Variants in FAM53A observed in about 807,000 individuals in gnomAD.
FAM53A encodes the protein family with sequence similarity 53 member A.
In FAM53A, 28 loss-of-function variants were observed where a neutral mutation model predicts 26.6. That is an observed-to-expected ratio of 1.05 (90% CI 0.78 to 1.45). The LOEUF (loss-of-function observed/expected upper bound fraction) is 1.45. Ranked by LOEUF, FAM53A falls within the 40% of genes most tolerant of loss-of-function variation. FAM53A has a pLI of 0.00. For synonymous variants in FAM53A, 290 were observed against 253.1 expected (o/e 1.15, Z -1.38); for missense variants, 650 against 575.8 (o/e 1.13, Z -1.32).
the FAM53A span, among the ~76,000 whole-genome samples, chr4:1,596,641 T>C: frequency 0.47 from 70,962 of 151,716 alleles, 17,510 homozygotes; most frequent in Admixed American, 0.55. Context: ...GGACTGGCTC[T>C]TTCACTCACA....
chr4:1,598,315 C>T, the FAM53A span, among the ~76,000 whole-genome samples: 2 of 152,252 alleles, frequency 1.3e-5, no homozygotes, highest in Non-Finnish European at 2.9e-5. Flanking sequence ...GCGGGAAAAA[C>T]GTGGGGCCAA....
At chr4:1,665,574 C>T (rs1714163725) in intron 2 of FAM53A, among the ~76,000 whole-genome samples, 2 of 152,056 alleles carry the variant, frequency 1.3e-5, no homozygotes, top group Admixed American at 1.3e-4. Flanking sequence ...GCCATATTCA[C>T]AGGCCGTGTT....
intron 2 of FAM53A, 21 bp downstream of exon 2, chr4:1,668,646 G>A: frequency 1.2e-6 from 2 of 1,613,854 alleles, no homozygotes; most frequent in South Asian, 2.2e-5. Flanking sequence ...ACCCAGCCTG[G>A]TGCCACCTGC....
the FAM53A span, among the ~76,000 whole-genome samples, chr4:1,579,310 C>A: frequency 6.6e-6 from 1 of 151,524 alleles, no homozygotes; most frequent in Admixed American, 6.6e-5. Flanking sequence ...CTGGGCCCTG[C>A]CGCTGCGCCC....
At chr4:1,602,462 T>A in the FAM53A span, among the ~76,000 whole-genome samples, 1 of 152,146 alleles carries the variant, frequency 6.6e-6, no homozygotes, top group Non-Finnish European at 1.5e-5. Context: ...TGAAGAGTGA[T>A]GAAACTTTAA....
At chr4:1,663,645 A>G (rs1714015057) in intron 2 of FAM53A, among the ~76,000 whole-genome samples, 1 of 152,100 alleles carries the variant, frequency 6.6e-6, no homozygotes, top group South Asian at 2.1e-4. Context: ...TGTTTCTGGT[A>G]CAAGTGAGAA....
intron 4 of FAM53A, among the ~76,000 whole-genome samples, chr4:1,651,236 A>AG (rs1712754646): frequency 6.6e-6 from 1 of 150,504 alleles, no homozygotes; most frequent in African/African-American, 2.5e-5. Flanking sequence ...AAAAAAAAAA[A>AG]AAAATTAAGA....
intron 1 of FAM53A, chr4:1,618,250 C>A: frequency 2.3e-6 from 1 of 427,542 alleles, no homozygotes; most frequent in Admixed American, 2.5e-5. Context: ...TGCATCCAGG[C>A]TGTGGCCCCC....
chr4:1,579,539 G>C, the FAM53A span, among the ~76,000 whole-genome samples: 2 of 152,168 alleles, frequency 1.3e-5, no homozygotes, highest in East Asian at 1.9e-4. Context: ...GGCCAGGCTC[G>C]AGTCAGCCGG....
At chr4:1,680,527 T>G (rs563072241) in intron 1 of FAM53A, among the ~76,000 whole-genome samples, 1 of 152,216 alleles carries the variant, frequency 6.6e-6, no homozygotes, top group East Asian at 1.9e-4. Flanking sequence ...TGCACACAGA[T>G]GCCCATAGCA....
chr4:1,626,575 TG>T (rs201283867), intron 1 of FAM53A, among the ~76,000 whole-genome samples: 1,572 of 136,062 alleles, frequency 0.012, 9 homozygotes, highest in Middle Eastern at 0.027. Context: ...GGGGAGGACC[TG>T]GGACAGTGTA....
chr4:1,576,900 G>T, the FAM53A span, among the ~76,000 whole-genome samples: 1 of 152,180 alleles, frequency 6.6e-6, no homozygotes, highest in African/African-American at 2.4e-5. Flanking sequence ...CTTGAGGGAG[G>T]GGGTAAGACA....
rs553702781 is a variant in FAM53A, at chr4:1,622,890, G to C, written c.432-4779C>G. Among the ~76,000 whole-genome samples, 6 of 152,360 alleles carry C rather than the reference G, an allele frequency of 3.9e-5. No homozygotes were observed. In the East Asian group the frequency reaches 1.2e-3, roughly 29 times the overall value. On this transcript the variant is annotated intron_variant, in intron 1 of 1. Transcript: ENST00000489029. ...AGGGACAGGATAAGTCAGCACCAAGGGGAAGGGGAGGCCACACGCACACGG... is the reference window on the plus strand; with the variant it reads ...AGGGACAGGATAAGTCAGCACCAAGCGGAAGGGGAGGCCACACGCACACGG...
the FAM53A span, among the ~76,000 whole-genome samples, chr4:1,578,485 T>C: frequency 6.6e-6 from 1 of 151,792 alleles, no homozygotes; most frequent in African/African-American, 2.4e-5. Flanking sequence ...CTGGAAGCTC[T>C]GCAGGAACGT....
chr4:1,618,282 AT>A (rs1040363730), intron 1 of FAM53A, among the ~76,000 whole-genome samples: 49 of 152,252 alleles, frequency 3.2e-4, no homozygotes, highest in African/African-American at 1.2e-3. Context: ...CTCAGTGGGG[AT>A]GGCATGGGAA....
downstream of FAM53A, among the ~76,000 whole-genome samples, chr4:1,614,974 G>A (rs1399481304): frequency 6.6e-6 from 1 of 152,216 alleles, no homozygotes; most frequent in Non-Finnish European, 1.5e-5. Context: ...AGGGACACGA[G>A]AGCAAAAACA....
chr4:1,617,301 T>C (rs1428878533), downstream of FAM53A, among the ~76,000 whole-genome samples: 1 of 152,196 alleles, frequency 6.6e-6, no homozygotes, highest in Non-Finnish European at 1.5e-5. Flanking sequence ...TCTGTTGAGC[T>C]ATTTATGGTG....
intron 1 of FAM53A, among the ~76,000 whole-genome samples, chr4:1,671,894 G>A (rs1373012481): frequency 6.6e-6 from 1 of 152,266 alleles, no homozygotes; most frequent in African/African-American, 2.4e-5. Flanking sequence ...CTCACAGTCT[G>A]TATAGAAACG....
At chr4:1,576,687 G>A in the FAM53A span, among the ~76,000 whole-genome samples, 6 of 152,298 alleles carry the variant, frequency 3.9e-5, no homozygotes, top group East Asian at 7.7e-4. Context: ...TGGGCAGGCC[G>A]GGGACGCCGC....
Sources: gnomAD v4.1 joint callset for allele counts (sites outside exome capture counted in the v4.1 genomes callset) on GRCh38, gnomAD v4.1.1 for gene constraint, MANE v1.5 for transcripts, NCBI Gene and HGNC (gene_info 2026-07-23, HGNC 2026-07-21) for gene names.